The following GAK variants were observed in gnomAD, a reference collection of about 807,000 sequenced individuals.
GAK encodes cyclin G associated kinase, also known as cyclin-G-associated kinase.
A neutral mutation model predicts 143.9 loss-of-function variants in GAK; 79 were observed. That is an observed-to-expected ratio of 0.55 (90% CI 0.46 to 0.66). The LOEUF is 0.66. Ranked by LOEUF, GAK falls within the 30% of genes least tolerant of loss-of-function variation. The pLI is 0.00. For missense variants in GAK, 1,693 were observed against 1,779.7 expected, an observed-to-expected ratio of 0.95 and a Z score of 0.88; for synonymous variants, 881 against 765.5, an observed-to-expected ratio of 1.15 and a Z score of -2.49.
intron 26 of GAK, 77 bp from the exon 27 acceptor site, chr4:850,145 GACGC>G: frequency 3.6e-6 from 5 of 1,374,326 alleles, no homozygotes; most frequent in Non-Finnish European, 4.9e-6. Context: ...ACTGAGGCAC[GACGC>G]TGAGGAAGTG....
chr4:884,239 G>A, intron 11 of GAK, 153 bp from the exon 12 acceptor site: 1 of 633,756 alleles, frequency 1.6e-6, no homozygotes, highest in South Asian at 1.9e-5. Context: ...ACAGGCGTGT[G>A]GGCAGCTTCC....
chr4:884,419 G>A, intron 11 of GAK: 1 of 297,968 alleles, frequency 3.4e-6, no homozygotes, highest in Non-Finnish European at 6.3e-6. Flanking sequence ...GAGAGGGATG[G>A]CAACACCGGT....
intron 10 of GAK, among the ~76,000 whole-genome samples, chr4:889,511 C>A (rs3822025): frequency 0.035 from 5,294 of 152,220 alleles, 184 homozygotes; most frequent in East Asian, 0.18. Flanking sequence ...CAGCACCGAG[C>A]AGATGGGGGC....
At chr4:876,665 C>A in intron 17 of GAK, 56 bp from the exon 18 acceptor site, 1 of 1,510,234 alleles carries the variant, frequency 6.6e-7, no homozygotes, top group Non-Finnish European at 9.2e-7. Context: ...GATCCTGGGG[C>A]CACAGGCCAA....
At position 893,428 on chromosome 4, in the gene GAK, C is replaced by T. The variant is rs1718073207; in HGVS notation, c.939G>A (p.Leu313=). The T allele has an allele frequency of 1.3e-6, 2 of 1,593,980 alleles. No homozygotes were observed. The highest frequency in any genetic ancestry group is 3.5e-5 in the Admixed American group (2 of 57,172). The change falls in exon 9 of 28, where the codon CTG becomes CTA. Residue 313 remains leucine (L), a synonymous_variant. Transcript: ENST00000314167. ...RLSIAEVVHQ[L]QEIAAARNVN... ...CGTTGCGGGCGGCCGCGATCTCCTG[C>T]AGCTGGTGCACCACCTCGGCGATGG...
intron 20 of GAK, among the ~76,000 whole-genome samples, chr4:868,086 T>G (rs763751119): frequency 7.1e-4 from 108 of 152,296 alleles, no homozygotes; most frequent in Non-Finnish European, 1.2e-3. Context: ...GGGGTGTGTC[T>G]GGGGTGAGGT....
rs1183047289 is a variant in GAK at position 905,524 on chromosome 4, G to A, written c.383-745C>T. Among the ~76,000 whole-genome samples the A allele has an allele frequency of 5.6e-5, 8 of 142,298 alleles. No homozygotes were observed. The East Asian group carries it at 6.4e-4, about 11-fold the overall frequency. The allele number at this position is 142,298 out of a possible 152,430, so 93.4% of individuals were successfully genotyped here. On this transcript the variant is annotated intron_variant, in intron 4 of 27. Transcript: ENST00000314167. ...CATGCCACGCTACGGACTCCGCCAC[G>A]CCCCATGCCACGCTACGGACTCCGC...
chr4:925,179 G>C (rs187169622), intron 1 of GAK, among the ~76,000 whole-genome samples: 82 of 152,302 alleles, frequency 5.4e-4, no homozygotes, highest in African/African-American at 1.8e-3. Flanking sequence ...ACAAATCAAA[G>C]CTTGACACTT....
At chr4:871,396 G>A (rs1207472810) in intron 18 of GAK, among the ~76,000 whole-genome samples, 7 of 152,250 alleles carry the variant, frequency 4.6e-5, no homozygotes, top group African/African-American at 9.6e-5. Context: ...GCAGCTCAGA[G>A]CACGCACTCT....
chr4:850,955 G>A lies in GAK; in HGVS notation c.3638C>T (p.Thr1213Met), dbSNP rs994089843. ...ACCCACCTTCAGCTTGAGTGGGTCC[G>A]TGTCTTTAGCCAGGTCCTGCTTCCT... Reference protein sequence around the residue: ...EMRKQDLAKDTDPLKLKLLDW... With the variant: ...EMRKQDLAKDMDPLKLKLLDW... Residue 1213 changes from threonine to methionine, a missense_variant, in exon 26 of 28, where the codon ACG (threonine) becomes ATG (methionine). By Grantham distance (81) the Thr-to-Met change is moderately conservative. Transcript: ENST00000314167. The A allele has an allele frequency of 6.2e-7, 1 of 1,613,556 alleles. No individual in the cohort carries two copies. The highest frequency in any genetic ancestry group is 8.5e-7 in the Non-Finnish European group (1 of 1,179,724).
intron 14 of GAK, 25 bp downstream of exon 14, chr4:882,672 G>C: frequency 6.2e-7 from 1 of 1,607,276 alleles, no homozygotes; most frequent in African/African-American, 1.3e-5. Flanking sequence ...AGAAGACGGC[G>C]CCAGCCCACG....
At chr4:921,961 G>GT (rs1223968181) in intron 1 of GAK, among the ~76,000 whole-genome samples, 2 of 152,126 alleles carry the variant, frequency 1.3e-5, no homozygotes, top group Non-Finnish European at 2.9e-5. Flanking sequence ...CCACAAGGAG[G>GT]TATCGCTACA....
rs200584785 is a variant in GAK at position 893,913 on chromosome 4, G to C, written c.838C>G (p.Pro280Ala). 9 of 1,611,922 alleles carry C rather than the reference G, an allele frequency of 5.6e-6. No individual in the cohort carries two copies. The African/African-American group carries it at 1.2e-4, about 22-fold the overall frequency. ...RIVNGKYSIP[P>A]HDTQYTVFHS... ...AAGACCGTGTACTGCGTGTCGTGCGGGGGGATCGAGTACTTCCCATTGACT... is the reference window on the plus strand; with the variant it reads ...AAGACCGTGTACTGCGTGTCGTGCGCGGGGATCGAGTACTTCCCATTGACT... The change falls in exon 8 of 28, where the codon CCG becomes GCG. Residue 280 changes from proline to alanine, a missense_variant. Around this residue, in one of 2 missense-constraint regions of GAK, gnomAD observed 871 missense variants for 991.0 expected, o/e 0.88. Coordinates refer to ENST00000314167, the MANE Select transcript of GAK (RefSeq NM_005255.4).
chr4:865,263 A>T lies in GAK; in HGVS notation c.3044-19T>A. 6.2e-7 allele frequency: 1 copy of T among 1,612,684 alleles called. No individual in the cohort carries two copies. Among genetic ancestry groups the T allele is most frequent in the Non-Finnish European group, 8.5e-7 (1 of 1,179,766 alleles). On this transcript the variant is annotated intron_variant, in intron 22 of 27. Coordinates refer to ENST00000314167, the MANE Select transcript of GAK (RefSeq NM_005255.4). Reference sequence around the variant, plus strand: ...AGATCCCCTGGGAAGAAGGAACCAGAAGAGAGCACAGTTTGGTGTCTCAGC... The same window carrying T: ...AGATCCCCTGGGAAGAAGGAACCAGTAGAGAGCACAGTTTGGTGTCTCAGC...
chr4:866,569 C>G (rs768798316), intron 21 of GAK, 35 bp from the exon 22 acceptor site: 1 of 1,601,498 alleles, frequency 6.2e-7, no homozygotes, highest in Non-Finnish European at 8.5e-7. Context: ...AGGACTCAGC[C>G]CGGCTGCCTG....
chr4:855,424 T>G (rs1439418591), intron 24 of GAK, among the ~76,000 whole-genome samples: 1 of 152,210 alleles, frequency 6.6e-6, no homozygotes, highest in African/African-American at 2.4e-5. Flanking sequence ...GGACAGATTT[T>G]TGTGTGTTGA....
intron 23 of GAK, among the ~76,000 whole-genome samples, chr4:861,527 G>A (rs2152724656): frequency 6.6e-6 from 1 of 152,286 alleles, no homozygotes; most frequent in East Asian, 1.9e-4. Context: ...GGAGGTTGAG[G>A]CTGCAGTGAG....
intron 23 of GAK, among the ~76,000 whole-genome samples, chr4:861,287 A>C (rs1750230687): frequency 6.6e-6 from 1 of 152,212 alleles, no homozygotes; most frequent in South Asian, 2.1e-4. Flanking sequence ...TTAGTGAGCA[A>C]GGCACGTCAA....
Position 870,555 on chromosome 4 carries a change from C to T in GAK, c.2248+156G>A, listed in dbSNP as rs187929956. 5.0e-3 allele frequency among the ~76,000 whole-genome samples: 754 copies of T among 152,294 alleles called. 7 individuals are homozygous for T. The highest frequency in any genetic ancestry group is 4.7e-3 in the Non-Finnish European group (321 of 68,020). Reference sequence around the variant, plus strand: ...TGGTGGTGGTGTCCAACATCCACGACGGAGTTTCCAAAACCTCCTGCAGCC... The same window carrying T: ...TGGTGGTGGTGTCCAACATCCACGATGGAGTTTCCAAAACCTCCTGCAGCC... On this transcript the variant is annotated intron_variant, in intron 19 of 27. Transcript: ENST00000314167.
Sources: gnomAD v4.1 joint callset for allele counts (sites outside exome capture counted in the v4.1 genomes callset) on GRCh38, gnomAD v4.1.1 for gene constraint, gnomAD v4.1.1 regional missense constraint, MANE v1.5 for transcripts, NCBI Gene and HGNC (gene_info 2026-07-23, HGNC 2026-07-21) for gene names.